The following C2orf15 variants were observed in gnomAD, a reference collection of about 807,000 sequenced individuals.
The protein encoded by C2orf15 is uncharacterized protein C2orf15.
In C2orf15, 3 loss-of-function variants were observed where a neutral mutation model predicts 4.4. The observed-to-expected ratio is 0.67, with a 90% CI of 0.31 to 1.74. The LOEUF (loss-of-function observed/expected upper bound fraction) is 1.74. Among genes scored for constraint, C2orf15 ranks in the 40% most tolerant of loss-of-function variants. C2orf15 has a pLI of 0.09. For missense variants in C2orf15, 90 were observed against 103.3 expected, an observed-to-expected ratio of 0.87 and a Z score of 0.56; for synonymous variants, 37 against 36.8, an observed-to-expected ratio of 1.00 and a Z score of -0.02.
intron 2 of C2orf15, among the ~76,000 whole-genome samples, chr2:99,145,261 C>T (rs2964990): frequency 6.6e-6 from 1 of 152,072 alleles, no homozygotes; most frequent in Non-Finnish European, 1.5e-5. Flanking sequence ...TCTTTCACTT[C>T]TAAAGACTCT....
chr2:99,149,313 C>A (rs2093664804), intron 3 of C2orf15, among the ~76,000 whole-genome samples: 1 of 152,106 alleles, frequency 6.6e-6, no homozygotes, highest in Non-Finnish European at 1.5e-5. Context: ...GTACAGGAAG[C>A]CTGTCCCTTC....
chr2:99,144,485 G>A (rs2093611554), intron 2 of C2orf15, among the ~76,000 whole-genome samples: 1 of 151,174 alleles, frequency 6.6e-6, no homozygotes, highest in Non-Finnish European at 1.5e-5. Flanking sequence ...TGTGTTTTGT[G>A]TTTTGATGCT....
chr2:99,145,316 G>A lies in C2orf15; in HGVS notation c.-168-2086G>A, dbSNP rs143007196. Among the ~76,000 whole-genome samples, 599 of 152,210 alleles carry A rather than the reference G, an allele frequency of 3.9e-3. 5 individuals are homozygous for A. The highest frequency in any genetic ancestry group is 0.014 in the African/African-American group (574 of 41,504). ...CTCACACCTATAATCCCAGCATTTT[G>A]GGAGGCCAAGGCAGGTGGATCACTT... On this transcript the variant is annotated intron_variant, in intron 2 of 3. Transcript: ENST00000650052.
chr2:99,151,664 G>A lies in C2orf15; in HGVS notation c.*830G>A, dbSNP rs1410742038. Among the ~76,000 whole-genome samples, 2 of 152,124 alleles carry A rather than the reference G, an allele frequency of 1.3e-5. No individual in the cohort carries two copies. The highest frequency in any genetic ancestry group is 6.6e-5 in the Admixed American group (1 of 15,262). ...AAGACCAATAAATTGCATATCTTCA[G>A]AAGGATTTCACATTTTAAATCGTGC... On this transcript the variant is annotated 3_prime_UTR_variant, in exon 4 of 4. Coordinates refer to ENST00000650052, the MANE Select transcript of C2orf15 (RefSeq NM_144706.4).
At chr2:99,142,705 G>A (rs2093582705) in intron 2 of C2orf15, among the ~76,000 whole-genome samples, 3 of 152,148 alleles carry the variant, frequency 2.0e-5, no homozygotes, top group Admixed American at 6.5e-5. Context: ...ATAACAAACT[G>A]AGAAGTTATG....
At chr2:99,148,983 G>GA (rs910240951) in intron 3 of C2orf15, among the ~76,000 whole-genome samples, 11 of 151,282 alleles carry the variant, frequency 7.3e-5, no homozygotes, top group African/African-American at 2.7e-4. Context: ...ATATAGACTG[G>GA]AAAAAAAATA....
intron 1 of C2orf15, 53 bp from the exon 2 acceptor site, chr2:99,142,232 A>G (rs1173176277): frequency 3.9e-5 from 6 of 152,234 alleles, no homozygotes; most frequent in African/African-American, 7.2e-5. Flanking sequence ...CCCTTCTTAA[A>G]TAACTCAAGA....
intron 2 of C2orf15, among the ~76,000 whole-genome samples, chr2:99,142,935 C>T (rs1045865857): frequency 6.6e-6 from 1 of 151,922 alleles, no homozygotes; most frequent in African/African-American, 2.4e-5. Flanking sequence ...TTATGTATGC[C>T]ACCTAGACGG....
chr2:99,146,142 G>A (rs905383983), intron 2 of C2orf15, among the ~76,000 whole-genome samples: 1 of 152,186 alleles, frequency 6.6e-6, no homozygotes, highest in Non-Finnish European at 1.5e-5. Context: ...AATTAGCCGG[G>A]CATGGTGGCA....
chr2:99,149,878 C>T (rs550465839), intron 3 of C2orf15, among the ~76,000 whole-genome samples: 7 of 150,338 alleles, frequency 4.7e-5, no homozygotes, highest in Non-Finnish European at 7.4e-5. Context: ...CTGCAACCTC[C>T]GTCTTCCAGG....
At chr2:99,143,142 T>C (rs2093591716) in intron 2 of C2orf15, among the ~76,000 whole-genome samples, 1 of 127,940 alleles carries the variant, frequency 7.8e-6, no homozygotes, top group Non-Finnish European at 1.6e-5. Flanking sequence ...CCTTTTTTTT[T>C]TTTTTTTTTT....
At chr2:99,146,156 G>A (rs1056505728) in intron 2 of C2orf15, among the ~76,000 whole-genome samples, 1 of 152,162 alleles carries the variant, frequency 6.6e-6, no homozygotes, top group African/African-American at 2.4e-5. Flanking sequence ...GGTGGCAGGT[G>A]CCTGTAATCC....
At position 99,150,003 on chromosome 2, in the gene C2orf15, G is replaced by A. The variant is rs918414419; in HGVS notation, c.-76-480G>A. The stretch of plus-strand genomic sequence containing the variant: ...AGATGGGGTTTCACCATGTTGGCCA[G>A]GCTGGTCTCTCAATCCTAACCTTTG... On this transcript the variant is annotated intron_variant, in intron 3 of 3. Transcript: ENST00000650052. Among the ~76,000 whole-genome samples, 4 of 151,748 alleles carry A rather than the reference G, an allele frequency of 2.6e-5. No homozygotes were observed. In the East Asian group the frequency reaches 7.8e-4, roughly 29 times the overall value.
intron 2 of C2orf15, 88 bp downstream of exon 2, chr2:99,142,489 T>C (rs1441360479): frequency 6.6e-6 from 1 of 152,210 alleles, no homozygotes; most frequent in East Asian, 1.9e-4. Flanking sequence ...AAAATACATT[T>C]AATATAAATG....
At chr2:99,144,699 GTC>G (rs982460075) in intron 2 of C2orf15, among the ~76,000 whole-genome samples, 1 of 146,056 alleles carries the variant, frequency 6.8e-6, no homozygotes, top group Non-Finnish European at 1.5e-5. Context: ...GATAAGTCTG[GTC>G]TCTGTTACTC....
rs2105157757 is a variant in C2orf15 at position 99,150,906 on chromosome 2, A to G, written c.*72A>G. 1 of 974,620 alleles carries G rather than the reference A, an allele frequency of 1.0e-6. No homozygotes were observed. Among genetic ancestry groups the G allele is most frequent in the South Asian group, 1.7e-5 (1 of 59,476 alleles). 60.4% of individuals were successfully genotyped at this position (974,620 alleles called of 1,614,324 possible). On this transcript the variant is annotated 3_prime_UTR_variant, in exon 4 of 4. Coordinates refer to ENST00000650052, the MANE Select transcript of C2orf15 (RefSeq NM_144706.4). ...AAGGGGGGTGTTGAAAGAGAACTTA[A>G]CCTTATTAGGAAACCCTGACAAAAT...
rs1302340257 is a variant in C2orf15 at position 99,150,750 on chromosome 2, C to T, written c.192C>T (p.Gly64=). 3.1e-6 allele frequency: 5 copies of T among 1,613,698 alleles called. No individual in the cohort carries two copies. The highest frequency in any genetic ancestry group is 4.2e-6 in the Non-Finnish European group (5 of 1,179,902). The change falls in exon 4 of 4, where the codon GGC becomes GGT. Residue 64 remains glycine (G), a synonymous_variant. Transcript: ENST00000650052. ...QENFTRIEGT[G]TGSLSGKALG... ...ACTTTACAAGGATTGAAGGGACTGG[C>T]ACAGGATCTCTTTCTGGGAAAGCCT...
intron 2 of C2orf15, among the ~76,000 whole-genome samples, chr2:99,142,638 G>C (rs1222757786): frequency 1.3e-5 from 2 of 152,114 alleles, no homozygotes; most frequent in Non-Finnish European, 2.9e-5. Context: ...TAGATTAAGA[G>C]GTTAGAGGAC....
rs529463437 is a variant in C2orf15 at position 99,143,912 on chromosome 2, G to A, written c.-169+1511G>A. Among the ~76,000 whole-genome samples, 4 of 151,760 alleles carry A rather than the reference G, an allele frequency of 2.6e-5. No homozygotes were observed. In the South Asian group the frequency reaches 8.3e-4, roughly 32 times the overall value. On this transcript the variant is annotated intron_variant, in intron 2 of 3. Transcript: ENST00000650052. ...CTCTGTTATTACTATTTTTTGTTTT[G>A]TTTTCACTGTCCTCTTCCTGATCCC...
Sources: gnomAD v4.1 joint callset for allele counts (sites outside exome capture counted in the v4.1 genomes callset) on GRCh38, gnomAD v4.1.1 for gene constraint, MANE v1.5 for transcripts, NCBI Gene and HGNC (gene_info 2026-07-23, HGNC 2026-07-21) for gene names.